The following KIAA1549L variants were observed in gnomAD, a reference collection of about 807,000 sequenced individuals.
The protein encoded by KIAA1549L is UPF0606 protein KIAA1549L.
KIAA1549L carries 88 observed loss-of-function variants against 160.7 expected under a neutral mutation model. That is an observed-to-expected ratio of 0.55 (90% confidence interval 0.46 to 0.65). The LOEUF (loss-of-function observed/expected upper bound fraction) is 0.65. Among genes scored for constraint, KIAA1549L ranks in the 30% least tolerant of loss-of-function variants. KIAA1549L has a pLI of 0.00. For missense variants in KIAA1549L, 2,258 were observed against 2,437.5 expected, an observed-to-expected ratio of 0.93 and a Z score of 1.55; for synonymous variants, 950 against 976.7, an observed-to-expected ratio of 0.97 and a Z score of 0.51.
At chr11:33,466,796 G>A (rs1161806576) in intron 1 of KIAA1549L, among the ~76,000 whole-genome samples, 2 of 152,154 alleles carry the variant, frequency 1.3e-5, no homozygotes, top group Non-Finnish European at 2.9e-5. Context: ...CCATAAAAAA[G>A]TATGAGTTCA....
chr11:33,496,004 C>T (rs1389022558), intron 1 of KIAA1549L, among the ~76,000 whole-genome samples: 3 of 152,124 alleles, frequency 2.0e-5, no homozygotes, highest in Non-Finnish European at 2.9e-5. Context: ...GCTCTGTCGC[C>T]CAGGCTGGAG....
intron 1 of KIAA1549L, among the ~76,000 whole-genome samples, chr11:33,483,902 G>C (rs1442942573): frequency 6.6e-6 from 1 of 152,068 alleles, no homozygotes; most frequent in Non-Finnish European, 1.5e-5. Flanking sequence ...TATCAGCAAC[G>C]TGAAAATAAA....
At chr11:33,500,646 C>T (rs1489214436) in intron 1 of KIAA1549L, among the ~76,000 whole-genome samples, 3 of 151,928 alleles carry the variant, frequency 2.0e-5, no homozygotes, top group Non-Finnish European at 4.4e-5. Flanking sequence ...TTCAAAATAA[C>T]TGGAAAAGAT....
At chr11:33,516,778 G>A (rs1371852834) in intron 1 of KIAA1549L, among the ~76,000 whole-genome samples, 1 of 151,892 alleles carries the variant, frequency 6.6e-6, no homozygotes, top group Non-Finnish European at 1.5e-5. Flanking sequence ...TTTTTTTTTA[G>A]CAAAGGTATG....
chr11:33,491,839 G>A (rs184508362), intron 1 of KIAA1549L, among the ~76,000 whole-genome samples: 4 of 152,262 alleles, frequency 2.6e-5, no homozygotes, highest in Admixed American at 2.6e-4. Context: ...ACCACTACTG[G>A]GACAAAGAGG....
At chr11:33,609,051 C>T (rs1390540742) in intron 14 of KIAA1549L, among the ~76,000 whole-genome samples, 5 of 152,378 alleles carry the variant, frequency 3.3e-5, no homozygotes, top group African/African-American at 9.6e-5. Context: ...AGCACAGTCA[C>T]CTGCTTATAT....
intron 1 of KIAA1549L, among the ~76,000 whole-genome samples, chr11:33,490,104 A>T (rs1352836894): frequency 6.6e-6 from 1 of 152,138 alleles, no homozygotes; most frequent in Non-Finnish European, 1.5e-5. Context: ...CTCTGGAGTT[A>T]TTCTTCATAA....
intron 1 of KIAA1549L, among the ~76,000 whole-genome samples, chr11:33,518,677 T>C (rs1343980722): frequency 1.3e-5 from 2 of 152,224 alleles, no homozygotes; most frequent in African/African-American, 4.8e-5. Flanking sequence ...TATTATAAAG[T>C]CTGTTTTATT....
At position 33,671,850 on chromosome 11, in the gene KIAA1549L, C is replaced by T. The variant is rs1852683393; in HGVS notation, c.*3696C>T. 6.6e-6 allele frequency: 1 copy of T among 152,156 alleles called. No individual in the cohort carries two copies. The highest frequency in any genetic ancestry group is 6.5e-5 in the Admixed American group (1 of 15,272). The allele number at this position is 152,156 out of a possible 1,614,324, so 9.4% of individuals were successfully genotyped here. The stretch of plus-strand genomic sequence containing the variant: ...AGGATTTGTACTTAATCCTAAATTC[C>T]TCTTATCACACACCAGAAAATAATT... On this transcript the variant is annotated 3_prime_UTR_variant, in exon 21 of 21. Coordinates refer to ENST00000658780, the MANE Select transcript of KIAA1549L (RefSeq NM_012194.3).
At position 33,590,035 on chromosome 11, in the gene KIAA1549L, T is replaced by C. The variant is rs185584295; in HGVS notation, c.4567-1202T>C. ...ACTGCTGTCCATTTCACCTGGACTA[T>C]GATTTATCAGGAAAGCAAAAGTAAT... On this transcript the variant is annotated intron_variant, in intron 11 of 20. Coordinates refer to ENST00000658780, the MANE Select transcript of KIAA1549L (RefSeq NM_012194.3). 1.1e-4 allele frequency among the ~76,000 whole-genome samples: 17 copies of C among 152,362 alleles called. No individual in the cohort carries two copies. In the East Asian group the frequency reaches 2.9e-3, roughly 26 times the overall value.
In KIAA1549L at chr11:33,671,846, A is replaced by G. The variant is rs1398227350; in HGVS notation, c.*3692A>G. The G allele has an allele frequency of 6.6e-6, 1 of 152,236 alleles. No homozygotes were observed. Among genetic ancestry groups the G allele is most frequent in the Non-Finnish European group, 1.5e-5 (1 of 68,034 alleles). The allele number at this position is 152,236 out of a possible 1,614,324, so 9.4% of individuals were successfully genotyped here. ...AAACAGGATTTGTACTTAATCCTAA[A>G]TTCCTCTTATCACACACCAGAAAAT... On this transcript the variant is annotated 3_prime_UTR_variant, in exon 21 of 21. Coordinates refer to ENST00000658780, the MANE Select transcript of KIAA1549L (RefSeq NM_012194.3).
intron 1 of KIAA1549L, among the ~76,000 whole-genome samples, chr11:33,441,174 G>T (rs1243870832): frequency 6.6e-6 from 1 of 150,972 alleles, no homozygotes; most frequent in Non-Finnish European, 1.5e-5. Context: ...TGCGGTGCTT[G>T]GTTTTTTGTC....
At chr11:33,527,946 C>T (rs1336113947) in intron 1 of KIAA1549L, among the ~76,000 whole-genome samples, 1 of 152,082 alleles carries the variant, frequency 6.6e-6, no homozygotes, top group Non-Finnish European at 1.5e-5. Context: ...ATCATGGGGG[C>T]GAGCCTTTCC....
At chr11:33,632,181 C>G (rs1404447587) in intron 16 of KIAA1549L, among the ~76,000 whole-genome samples, 1 of 152,112 alleles carries the variant, frequency 6.6e-6, no homozygotes, top group Non-Finnish European at 1.5e-5. Context: ...TGGTTGGGGC[C>G]CCAGTCTGTT....
chr11:33,529,813 G>A (rs968909870), intron 1 of KIAA1549L, among the ~76,000 whole-genome samples: 1 of 152,182 alleles, frequency 6.6e-6, no homozygotes, highest in African/African-American at 2.4e-5. Context: ...ATCATACTAA[G>A]CAGAAAGGGA....
intron 1 of KIAA1549L, among the ~76,000 whole-genome samples, chr11:33,377,790 ACCCCCTCCCCC>A (rs1849987036): frequency 6.6e-6 from 1 of 151,828 alleles, no homozygotes; most frequent in Non-Finnish European, 1.5e-5. Flanking sequence ...TTCTCAGAGT[ACCCCCTCCCCC>A]AAATTAGATT....
chr11:33,545,852 A>G (rs1407853689), intron 3 of KIAA1549L, among the ~76,000 whole-genome samples: 1 of 152,232 alleles, frequency 6.6e-6, no homozygotes, highest in Non-Finnish European at 1.5e-5. Context: ...GGTTTGTAAG[A>G]TACAACATCT....
At position 33,624,528 on chromosome 11, in the gene KIAA1549L, T is replaced by C. The variant is rs1426505636; in HGVS notation, c.5409+5866T>C. 3.9e-5 allele frequency among the ~76,000 whole-genome samples: 6 copies of C among 152,236 alleles called. No individual in the cohort carries two copies. The East Asian group carries it at 1.2e-3, about 29-fold the overall frequency. On this transcript the variant is annotated intron_variant, in intron 16 of 20. Transcript: ENST00000658780. Reference sequence around the variant, plus strand: ...TGCATTGGAACCATGGCAGCATATGTGCACTTAATGTATGTAAATTCAGTA... The same window carrying C: ...TGCATTGGAACCATGGCAGCATATGCGCACTTAATGTATGTAAATTCAGTA...
chr11:33,602,739 T>C (rs915491950), intron 13 of KIAA1549L, among the ~76,000 whole-genome samples: 1 of 152,198 alleles, frequency 6.6e-6, no homozygotes, highest in African/African-American at 2.4e-5. Context: ...GCATTAAAAA[T>C]CCCCATGAAC....
Sources: allele counts gnomAD v4.1 joint callset (sites outside exome capture counted in the v4.1 genomes callset), GRCh38; gene constraint gnomAD v4.1.1; transcripts MANE v1.5; gene names NCBI Gene and HGNC (gene_info 2026-07-23, HGNC 2026-07-21).